Variants in TMC1 observed in about 807,000 individuals in gnomAD.
TMC1 encodes the protein transmembrane channel like 1.
A neutral mutation model predicts 105.8 loss-of-function variants in TMC1; 84 were observed. The observed-to-expected ratio is 0.79, with a 90% confidence interval of 0.67 to 0.95. The LOEUF is 0.95. Among genes scored for constraint, TMC1 ranks in the 40% least tolerant of loss-of-function variants. The pLI, the probability that TMC1 is intolerant of heterozygous loss-of-function variation, is 0.00. For synonymous variants in TMC1, 315 were observed against 311.5 expected (o/e 1.01, Z -0.12); for missense variants, 817 against 914.1 (o/e 0.89, Z 1.37).
At chr9:72,766,885 A>G (rs1302626516) in intron 12 of TMC1, among the ~76,000 whole-genome samples, 1 of 152,254 alleles carries the variant, frequency 6.6e-6, no homozygotes, top group East Asian at 1.9e-4. Flanking sequence ...TGAGCAAAGT[A>G]TTAGGCAGAA....
intron 5 of TMC1, among the ~76,000 whole-genome samples, chr9:72,666,222 C>T (rs1333643624): frequency 6.6e-6 from 1 of 151,418 alleles, no homozygotes; most frequent in Non-Finnish European, 1.5e-5. Context: ...TCGAGACTAG[C>T]CTGCACTACA....
chr9:72,813,310 A>G (rs1828733902), intron 18 of TMC1, among the ~76,000 whole-genome samples: 1 of 152,330 alleles, frequency 6.6e-6, no homozygotes, highest in East Asian at 1.9e-4. Context: ...CTCTAAAACA[A>G]TGAGCACTGA....
chr9:72,807,715 G>A lies in TMC1; in HGVS notation c.1695+2205G>A, dbSNP rs140810247. Among the ~76,000 whole-genome samples, 750 of 152,322 alleles carry A rather than the reference G, an allele frequency of 4.9e-3. 3 individuals carry two copies. The highest frequency in any genetic ancestry group is 0.017 in the African/African-American group (722 of 41,570). On this transcript the variant is annotated intron_variant, in intron 18 of 23. Coordinates refer to ENST00000297784, the MANE Select transcript of TMC1 (RefSeq NM_138691.3). Reference sequence around the variant, plus strand: ...GTGGATAAAAGGATTTGATAAATATGGTACTTGCTTCACAAAGTTCACAGT... The same window carrying A: ...GTGGATAAAAGGATTTGATAAATATAGTACTTGCTTCACAAAGTTCACAGT...
At chr9:72,568,615 T>C (rs1416361116) in intron 1 of TMC1, among the ~76,000 whole-genome samples, 2 of 152,208 alleles carry the variant, frequency 1.3e-5, no homozygotes, top group African/African-American at 4.8e-5. Flanking sequence ...TTACCTTAAA[T>C]GTTCTTGACC....
intron 2 of TMC1, among the ~76,000 whole-genome samples, chr9:72,605,907 C>T (rs751599452): frequency 1.8e-4 from 27 of 152,120 alleles, no homozygotes; most frequent in Non-Finnish European, 3.5e-4. Context: ...CTCACTTTAA[C>T]TTAATCACTT....
intron 6 of TMC1, among the ~76,000 whole-genome samples, chr9:72,691,655 G>C (rs1473337051): frequency 6.6e-6 from 1 of 152,144 alleles, no homozygotes; most frequent in East Asian, 1.9e-4. Context: ...TGTGTCTTCT[G>C]AGGAAGCAGC....
chr9:72,636,582 C>T (rs994988915), intron 4 of TMC1, among the ~76,000 whole-genome samples: 5 of 151,804 alleles, frequency 3.3e-5, no homozygotes, highest in Admixed American at 1.3e-4. Context: ...GTGGTGGGAG[C>T]CTGCAGTCTG....
intron 5 of TMC1, among the ~76,000 whole-genome samples, chr9:72,649,903 G>A (rs1825772746): frequency 6.6e-6 from 1 of 152,150 alleles, no homozygotes; most frequent in African/African-American, 2.4e-5. Flanking sequence ...TAATAAATCT[G>A]CTCAGGCTAT....
chr9:72,621,865 T>C (rs1157602088), intron 3 of TMC1, among the ~76,000 whole-genome samples: 2 of 152,250 alleles, frequency 1.3e-5, no homozygotes, highest in Non-Finnish European at 2.9e-5. Flanking sequence ...TTGTTAATTC[T>C]ACCTCTTGGA....
chr9:72,813,670 AATTT>A (rs1377455257), intron 18 of TMC1, among the ~76,000 whole-genome samples: 1 of 152,172 alleles, frequency 6.6e-6, no homozygotes, highest in African/African-American at 2.4e-5. Flanking sequence ...ATTCCAATAA[AATTT>A]ATTTGTTAAA....
At chr9:72,786,060 TA>T (rs1828162673) in intron 13 of TMC1, among the ~76,000 whole-genome samples, 1 of 152,158 alleles carries the variant, frequency 6.6e-6, no homozygotes, top group Non-Finnish European at 1.5e-5. Flanking sequence ...TTTGATTTGT[TA>T]AAAACCTCCA....
intron 8 of TMC1, among the ~76,000 whole-genome samples, chr9:72,716,090 G>A (rs944053223): frequency 5.3e-5 from 8 of 152,226 alleles, no homozygotes; most frequent in Admixed American, 4.6e-4. Context: ...ACCGGCAGAG[G>A]CTGCAGAACA....
intron 7 of TMC1, among the ~76,000 whole-genome samples, chr9:72,695,011 A>T (rs768120339): frequency 4.6e-5 from 7 of 152,182 alleles, no homozygotes; most frequent in Non-Finnish European, 5.9e-5. Flanking sequence ...CACTAATTGT[A>T]TGCATTGTTA....
At chr9:72,555,937 A>T (rs1347012909) in intron 1 of TMC1, among the ~76,000 whole-genome samples, 1 of 133,224 alleles carries the variant, frequency 7.5e-6, no homozygotes, top group African/African-American at 2.8e-5. Context: ...TAACTCTTAA[A>T]TGATGTTACC....
intron 5 of TMC1, among the ~76,000 whole-genome samples, chr9:72,673,548 A>C (rs1826156677): frequency 6.6e-6 from 1 of 152,152 alleles, no homozygotes; most frequent in South Asian, 2.1e-4. Context: ...TTAGTATAAC[A>C]TTTATTCATC....
At chr9:72,698,816 G>A (rs900823990) in intron 7 of TMC1, among the ~76,000 whole-genome samples, 3 of 152,144 alleles carry the variant, frequency 2.0e-5, no homozygotes, top group African/African-American at 7.2e-5. Context: ...GAGAGGTGAT[G>A]AAGCTGGTTC....
At chr9:72,832,339 T>C (rs1326008108) in intron 23 of TMC1, among the ~76,000 whole-genome samples, 3 of 152,190 alleles carry the variant, frequency 2.0e-5, no homozygotes, top group African/African-American at 7.2e-5. Context: ...TCCTTTCACA[T>C]TGGCTGACCT....
At chr9:72,743,348 C>A in intron 10 of TMC1, among the ~76,000 whole-genome samples, 1 of 143,194 alleles carries the variant, frequency 7.0e-6, no homozygotes, top group African/African-American at 2.6e-5. Flanking sequence ...GCCTGGGCGA[C>A]AGAGCGAGAC....
At chr9:72,666,385 T>G (rs1826042576) in intron 5 of TMC1, among the ~76,000 whole-genome samples, 1 of 152,208 alleles carries the variant, frequency 6.6e-6, no homozygotes, top group African/African-American at 2.4e-5. Flanking sequence ...GTGGTTCTAA[T>G]CTAGCCTGGC....
Sources: allele counts gnomAD v4.1 joint callset (sites outside exome capture counted in the v4.1 genomes callset), GRCh38; gene constraint gnomAD v4.1.1; transcripts MANE v1.5; gene names NCBI Gene and HGNC (gene_info 2026-07-23, HGNC 2026-07-21).